PRDM16: variants seen among roughly 807,000 people sequenced by gnomAD.
PRDM16 encodes the protein histone-lysine N-methyltransferase PRDM16.
Under a neutral mutation model 110.6 loss-of-function variants are expected in PRDM16, and 23 were observed. The observed-to-expected ratio is 0.21, with a 90% confidence interval of 0.15 to 0.29. The LOEUF (loss-of-function observed/expected upper bound fraction) is 0.29. PRDM16 is among the 10% of genes least tolerant of loss of function. PRDM16 has a pLI of 1.00. For missense variants in PRDM16, 1,615 were observed against 1,794.3 expected (o/e 0.90, Z 1.81); for synonymous variants, 799 against 781.8 (o/e 1.02, Z -0.37).
At chr1:3,352,790 C>T (rs1348419115) in intron 3 of PRDM16, among the ~76,000 whole-genome samples, 1 of 152,172 alleles carries the variant, frequency 6.6e-6, no homozygotes, top group Non-Finnish European at 1.5e-5. Context: ...AGACAGCCCC[C>T]GCCCCCAACT....
Position 3,290,872 on chromosome 1 carries a change from G to A in PRDM16, c.438+46735G>A, listed in dbSNP as rs1269297348. ...GAAGGGCCCGGAGCACTGGGGGCCC[G>A]AGGTATCTTTCAAAGAGTGATGGTT... is the stretch of plus-strand genomic sequence containing the variant. On this transcript the variant is annotated intron_variant, in intron 3 of 16. Transcript: ENST00000270722. The surrounding 1 kb of genome is among the most constrained non-coding windows in gnomAD (Gnocchi z 4.8). Among the ~76,000 whole-genome samples the A allele has an allele frequency of 1.3e-5, 2 of 151,912 alleles. No homozygotes were observed. The highest frequency in any genetic ancestry group is 1.5e-5 in the Non-Finnish European group (1 of 68,010).
chr1:3,170,857 C>A lies in PRDM16; in HGVS notation c.38-15268C>A, dbSNP rs549739204. Among the ~76,000 whole-genome samples, 3 of 152,358 alleles carry A rather than the reference C, an allele frequency of 2.0e-5. No homozygotes were observed. The East Asian group carries it at 5.8e-4, about 29-fold the overall frequency. On this transcript the variant is annotated intron_variant, in intron 1 of 16. Coordinates refer to ENST00000270722, the MANE Select transcript of PRDM16 (RefSeq NM_022114.4). ...TCCCAGCAGCCAGGGCTGTCGGGAG[C>A]CCATGGCCTTCTCTGTCTGCAGCAG...
intron 3 of PRDM16, chr1:3,309,845 G>A (rs1641406295): frequency 6.6e-6 from 1 of 152,434 alleles, no homozygotes; most frequent in African/African-American, 2.4e-5. Context: ...AGGGGACCCA[G>A]GGAGGAGGAG....
chr1:3,375,907 C>T (rs775578510), intron 3 of PRDM16, among the ~76,000 whole-genome samples: 8 of 152,104 alleles, frequency 5.3e-5, no homozygotes, highest in Non-Finnish European at 7.4e-5. Context: ...GAGGAGGGAA[C>T]GAAGGAGAGA....
intron 1 of PRDM16, among the ~76,000 whole-genome samples, chr1:3,138,582 G>A (rs1225258555): frequency 6.6e-6 from 1 of 152,280 alleles, no homozygotes; most frequent in Non-Finnish European, 1.5e-5. Flanking sequence ...GTGTTTGGGA[G>A]AGGTGGGCAA....
chr1:3,084,463 C>T (rs1642104455), intron 1 of PRDM16, among the ~76,000 whole-genome samples: 2 of 152,304 alleles, frequency 1.3e-5, no homozygotes, highest in South Asian at 2.1e-4. Flanking sequence ...GATTATCTGC[C>T]CCCCTGGGAG....
chr1:3,425,958 G>A lies in PRDM16; in HGVS notation c.3110-93G>A. 1.4e-6 allele frequency: 2 copies of A among 1,410,336 alleles called. No homozygotes were observed. Among genetic ancestry groups the A allele is most frequent in the Non-Finnish European group, 9.5e-7 (1 of 1,047,336 alleles). 87.4% of individuals were successfully genotyped at this position (1,410,336 alleles called of 1,614,324 possible). Reference sequence around the variant, plus strand: ...CCCTAAGAAACCTGCCTCCCTAACAGCACCCCAGGTGTACCCCGTTCGCGG... The same window carrying A: ...CCCTAAGAAACCTGCCTCCCTAACAACACCCCAGGTGTACCCCGTTCGCGG... On this transcript the variant is annotated intron_variant, in intron 13 of 16. Transcript: ENST00000270722. This position sits in a 1 kb window ranked among gnomAD's most constrained non-coding sequence, Gnocchi z 6.9.
Position 3,175,230 on chromosome 1 carries a change from G to A in PRDM16, c.38-10895G>A, listed in dbSNP as rs1236328463. The stretch of plus-strand genomic sequence containing the variant: ...TTTCTCTTTCTAGCAAACTGTTTTT[G>A]GGAAGGGGCCTTCAGGATGACCCTG... On this transcript the variant is annotated intron_variant, in intron 1 of 16. Transcript: ENST00000270722. This position sits in a 1 kb window ranked among gnomAD's most constrained non-coding sequence, Gnocchi z 4.8. Among the ~76,000 whole-genome samples, 3 of 152,322 alleles carry A rather than the reference G, an allele frequency of 2.0e-5. No individual in the cohort carries two copies. The East Asian group carries it at 5.8e-4, about 29-fold the overall frequency.
intron 3 of PRDM16, among the ~76,000 whole-genome samples, chr1:3,269,333 T>TGGGAGGAGGACAGTC (rs1640373581): frequency 7.2e-6 from 1 of 138,570 alleles, no homozygotes; most frequent in Non-Finnish European, 1.6e-5. Flanking sequence ...GGAGGACAGT[T>TGGGAGGAGGACAGTC]GGGAGGAGCA....
At chr1:3,156,048 C>T (rs904329555) in intron 1 of PRDM16, among the ~76,000 whole-genome samples, 13 of 152,234 alleles carry the variant, frequency 8.5e-5, no homozygotes, top group African/African-American at 2.7e-4. Flanking sequence ...ACAGCTCTGT[C>T]ATAATCCAGG....
rs1569419 is a variant in PRDM16 at position 3,080,038 on chromosome 1, T to C, written c.37+10742T>C. Among the ~76,000 whole-genome samples the C allele has an allele frequency of 0.74, 111,958 of 152,118 alleles. 41,409 individuals are homozygous for C. The highest frequency in any genetic ancestry group is 0.9 in the East Asian group (4,666 of 5,178). On this transcript the variant is annotated intron_variant, in intron 1 of 16. Transcript: ENST00000270722. The surrounding 1 kb of genome is among the most constrained non-coding windows in gnomAD (Gnocchi z 5.2). ...AGCTGGTCACTGTGGGAGAAGAGAC[T>C]GGAAAAGTTCAAAGGTGGAGAGGCG...
intron 2 of PRDM16, among the ~76,000 whole-genome samples, chr1:3,225,153 T>C (rs1639256465): frequency 7.4e-6 from 1 of 134,366 alleles, no homozygotes; most frequent in South Asian, 2.4e-4. Context: ...GCTTTTAGCT[T>C]GGAAGGAAAA....
intron 1 of PRDM16, among the ~76,000 whole-genome samples, chr1:3,136,807 T>G (rs1156877082): frequency 6.6e-6 from 1 of 152,194 alleles, no homozygotes; most frequent in African/African-American, 2.4e-5. Flanking sequence ...AATCAATATT[T>G]CATCCTGTCC....
Position 3,186,280 on chromosome 1 carries a change from G to C in PRDM16, c.193G>C (p.Gly65Arg). ...PTSEDFTPKE[G>R]SPYEAPVYIP... ...CAGCGAGGACTTCACCCCCAAGGAGGGCTCGCCGTACGAGGCCCCTGTCTA... is the reference window on the plus strand; with the variant it reads ...CAGCGAGGACTTCACCCCCAAGGAGCGCTCGCCGTACGAGGCCCCTGTCTA... The change falls in exon 2 of 17, where the codon GGC becomes CGC. Residue 65 changes from glycine (G) to arginine (R), a missense_variant. This residue lies in a region of PRDM16 where 416 missense variants were observed against 467.1 expected (regional missense o/e 0.89). Coordinates refer to ENST00000270722, the MANE Select transcript of PRDM16 (RefSeq NM_022114.4). The C allele has an allele frequency of 6.2e-7, 1 of 1,611,726 alleles. No homozygotes were observed. The highest frequency in any genetic ancestry group is 8.5e-7 in the Non-Finnish European group (1 of 1,179,350).
At chr1:3,263,303 C>T (rs1416215603) in intron 3 of PRDM16, among the ~76,000 whole-genome samples, 1 of 152,190 alleles carries the variant, frequency 6.6e-6, no homozygotes, top group Non-Finnish European at 1.5e-5. Context: ...AAAGGCCTCA[C>T]CCCCAGGTGC....
chr1:3,240,052 G>GGAGGAGAGGAGAGGAGAGGA (rs1305061574), intron 2 of PRDM16, among the ~76,000 whole-genome samples: 4 of 87,694 alleles, frequency 4.6e-5, no homozygotes, highest in African/African-American at 2.3e-4. Context: ...GGAGAGGAGA[G>GGAGGAGAGGAGAGGAGAGGA]GAGAAGAGGA....
chr1:3,301,631 G>GA (rs1207395665), intron 3 of PRDM16, among the ~76,000 whole-genome samples: 1 of 152,164 alleles, frequency 6.6e-6, no homozygotes, highest in Non-Finnish European at 1.5e-5. Flanking sequence ...TCCAGGGCTC[G>GA]AAAAACGTCC....
intron 2 of PRDM16, chr1:3,237,842 C>T (rs1639572533): frequency 6.6e-6 from 1 of 152,376 alleles, no homozygotes; most frequent in Non-Finnish European, 1.5e-5. Flanking sequence ...GGGGCAGGGC[C>T]AGGCGGTGGC....
chr1:3,389,711 G>A (rs1223712794), intron 4 of PRDM16, among the ~76,000 whole-genome samples: 1 of 152,240 alleles, frequency 6.6e-6, no homozygotes, highest in Non-Finnish European at 1.5e-5. Flanking sequence ...CAAGGGTCCC[G>A]CTGCTCCTGA....
Sources: allele counts gnomAD v4.1 joint callset (sites outside exome capture counted in the v4.1 genomes callset), GRCh38; gene constraint gnomAD v4.1.1; regional missense constraint gnomAD v4.1.1; non-coding constraint Gnocchi (gnomAD v3.1); transcripts MANE v1.5; gene names NCBI Gene and HGNC (gene_info 2026-07-23, HGNC 2026-07-21).